REEP1: variants seen among roughly 807,000 people sequenced by gnomAD.
The protein encoded by REEP1 is receptor expression-enhancing protein 1.
Under a neutral mutation model 40.3 loss-of-function variants are expected in REEP1, and 22 were observed. That is an observed-to-expected ratio of 0.55 (90% CI 0.39 to 0.78). The LOEUF is 0.78. REEP1 is among the 30% of genes least tolerant of loss of function. The pLI is 0.00. For synonymous variants in REEP1, 116 were observed against 139.2 expected, an observed-to-expected ratio of 0.83 and a Z score of 1.17; for missense variants, 280 against 361.1, an observed-to-expected ratio of 0.78 and a Z score of 1.82.
Position 86,282,248 on chromosome 2 carries a change from G to A in REEP1, c.33-6C>T. ...AAAGGGTGCCAAATATAAGCCTGGA[G>A]GGAAGAGAGACAAAAATAAATACGA... is the stretch of plus-strand genomic sequence containing the variant. On this transcript the variant is annotated splice_polypyrimidine_tract_variant and splice_region_variant and intron_variant, in intron 1 of 8. Coordinates refer to ENST00000538924, the MANE Select transcript of REEP1 (RefSeq NM_001371279.1). 2 of 1,594,698 alleles carry A rather than the reference G, an allele frequency of 1.3e-6. No homozygotes were observed. Among genetic ancestry groups the A allele is most frequent in the South Asian group, 1.1e-5 (1 of 90,716 alleles).
intron 2 of REEP1, among the ~76,000 whole-genome samples, chr2:86,267,004 C>T (rs1257275078): frequency 7.9e-6 from 1 of 126,460 alleles, no homozygotes; most frequent in African/African-American, 2.7e-5. Flanking sequence ...AAGACTCTGT[C>T]TCAGGGGAAA....
At chr2:86,275,999 A>G (rs1469323977) in intron 2 of REEP1, among the ~76,000 whole-genome samples, 1 of 152,206 alleles carries the variant, frequency 6.6e-6, no homozygotes, top group Non-Finnish European at 1.5e-5. Context: ...ACAGCAGAGG[A>G]GGCTCCTAGT....
chr2:86,270,260 G>A (rs1385740844), intron 2 of REEP1, among the ~76,000 whole-genome samples: 8 of 152,088 alleles, frequency 5.3e-5, no homozygotes, highest in African/African-American at 1.9e-4. Flanking sequence ...GCAATGGCAC[G>A]ATCTCAGTTC....
chr2:86,265,975 G>T lies in REEP1; in HGVS notation c.106-1934C>A, dbSNP rs980591882. Among the ~76,000 whole-genome samples, 4 of 152,234 alleles carry T rather than the reference G, an allele frequency of 2.6e-5. No homozygotes were observed. In the East Asian group the frequency reaches 7.7e-4, roughly 29 times the overall value. Reference sequence around the variant, plus strand: ...AAGAAAAATGTATAAAATATCTGTGGTTTCCACAATGAATCACACACAAGG... The same window carrying T: ...AAGAAAAATGTATAAAATATCTGTGTTTTCCACAATGAATCACACACAAGG... On this transcript the variant is annotated intron_variant, in intron 2 of 8. Coordinates refer to ENST00000538924, the MANE Select transcript of REEP1 (RefSeq NM_001371279.1).
At chr2:86,240,515 G>A (rs905783939) in intron 5 of REEP1, among the ~76,000 whole-genome samples, 7 of 152,224 alleles carry the variant, frequency 4.6e-5, no homozygotes, top group Admixed American at 1.3e-4. Context: ...TGCTGGCGGG[G>A]AAGTGCTTTG....
chr2:86,274,279 T>G (rs549298561), intron 2 of REEP1, among the ~76,000 whole-genome samples: 1 of 152,326 alleles, frequency 6.6e-6, no homozygotes, highest in South Asian at 2.1e-4. Context: ...GAGCTTTATG[T>G]GGCTCAGGGC....
chr2:86,244,461 A>T (rs1675825387), intron 5 of REEP1, among the ~76,000 whole-genome samples: 1 of 152,214 alleles, frequency 6.6e-6, no homozygotes, highest in Non-Finnish European at 1.5e-5. Context: ...GGCTATAACC[A>T]ACGCTTGGCT....
chr2:86,226,465 TTTC>T (rs201178974), intron 7 of REEP1, among the ~76,000 whole-genome samples: 3,233 of 42,634 alleles, frequency 0.076, 129 homozygotes, highest in East Asian at 0.36. Flanking sequence ...GGCTTTTTCT[TTTC>T]TTTTTTTTTT....
chr2:86,268,926 C>A (rs914572253), intron 2 of REEP1, among the ~76,000 whole-genome samples: 4 of 152,226 alleles, frequency 2.6e-5, no homozygotes, highest in South Asian at 4.1e-4. Context: ...CATTCACATG[C>A]AATAACAACA....
At chr2:86,330,724 G>A (rs981197011) in intron 1 of REEP1, among the ~76,000 whole-genome samples, 19 of 151,928 alleles carry the variant, frequency 1.3e-4, no homozygotes, top group Non-Finnish European at 7.4e-5. Context: ...GGGATTACAC[G>A]GTCAGCCACC....
chr2:86,324,210 AT>A (rs1285842601), intron 1 of REEP1, among the ~76,000 whole-genome samples: 2 of 152,236 alleles, frequency 1.3e-5, no homozygotes, highest in African/African-American at 4.8e-5. Flanking sequence ...ATAAAAAATG[AT>A]AAAATAAATC....
chr2:86,325,627 G>T (rs1680468581), intron 1 of REEP1, among the ~76,000 whole-genome samples: 1 of 152,318 alleles, frequency 6.6e-6, no homozygotes, highest in African/African-American at 2.4e-5. Flanking sequence ...CACAGAAGCA[G>T]AGACTACAGT....
At chr2:86,236,927 G>T (rs893829290) in intron 5 of REEP1, among the ~76,000 whole-genome samples, 1 of 152,062 alleles carries the variant, frequency 6.6e-6, no homozygotes, top group Non-Finnish European at 1.5e-5. Context: ...GTAGAGACGG[G>T]GTTTCACCGT....
intron 6 of REEP1, among the ~76,000 whole-genome samples, chr2:86,232,188 G>A (rs1236643497): frequency 6.6e-6 from 1 of 152,166 alleles, no homozygotes; most frequent in African/African-American, 2.4e-5. Flanking sequence ...ATTCAGGCAG[G>A]GAAGAGGGCC....
intron 1 of REEP1, among the ~76,000 whole-genome samples, chr2:86,299,088 A>C (rs1679143781): frequency 6.6e-6 from 1 of 152,218 alleles, no homozygotes; most frequent in South Asian, 2.1e-4. Context: ...CAAGCTGCTT[A>C]TGTTGATATC....
chr2:86,221,565 T>C (rs570336056), intron 7 of REEP1, among the ~76,000 whole-genome samples: 1 of 152,220 alleles, frequency 6.6e-6, no homozygotes, highest in Non-Finnish European at 1.5e-5. Context: ...CTCCCCACTC[T>C]GAGACCCGAC....
rs369684008 is a variant in REEP1, at chr2:86,287,085, T to C, written c.33-4843A>G. Among the ~76,000 whole-genome samples the C allele has an allele frequency of 2.0e-5, 3 of 152,302 alleles. No homozygotes were observed. The East Asian group carries it at 5.8e-4, about 29-fold the overall frequency. On this transcript the variant is annotated intron_variant, in intron 1 of 8. Transcript: ENST00000538924. ...ACAAATATATATAAAACTGTACACATCTTATTTCATAATTTTTTTTTGAGA... is the reference window on the plus strand; with the variant it reads ...ACAAATATATATAAAACTGTACACACCTTATTTCATAATTTTTTTTTGAGA...
chr2:86,315,111 G>A (rs905209374), intron 1 of REEP1, among the ~76,000 whole-genome samples: 2 of 152,068 alleles, frequency 1.3e-5, no homozygotes, highest in South Asian at 2.1e-4. Context: ...GTCTAAGAGG[G>A]TGTATCTAGC....
intron 1 of REEP1, among the ~76,000 whole-genome samples, chr2:86,288,084 A>G (rs6737252): frequency 0.022 from 3,204 of 147,732 alleles, 244 homozygotes; most frequent in African/African-American, 0.08. Flanking sequence ...GTGCAGTGGC[A>G]CAATCTCAGC....
Sources: gnomAD v4.1 joint callset for allele counts (sites outside exome capture counted in the v4.1 genomes callset) on GRCh38, gnomAD v4.1.1 for gene constraint, MANE v1.5 for transcripts, NCBI Gene and HGNC (gene_info 2026-07-23, HGNC 2026-07-21) for gene names.